The following AIM2 variants were observed in gnomAD, a reference collection of about 807,000 sequenced individuals.
AIM2 encodes absent in melanoma 2, also known as interferon-inducible protein AIM2.
A neutral mutation model predicts 27.7 loss-of-function variants in AIM2; 30 were observed. The ratio of observed to expected loss-of-function variants is 1.08; its 90% CI spans 0.81 to 1.47. The LOEUF is 1.47. AIM2 is among the 40% of genes most tolerant of loss of function. AIM2 has a pLI of 0.00. For synonymous variants in AIM2, 141 were observed against 145.3 expected, an observed-to-expected ratio of 0.97 and a Z score of 0.21; for missense variants, 358 against 411.3, an observed-to-expected ratio of 0.87 and a Z score of 1.12.
intron 1 of AIM2, among the ~76,000 whole-genome samples, chr1:159,115,414 C>A (rs537060460): frequency 6.6e-6 from 1 of 152,136 alleles, no homozygotes; most frequent in African/African-American, 2.4e-5. Context: ...GGAGGCATCA[C>A]GCTACCTGAC....
At chr1:159,066,568 G>A (rs1465438340) in intron 3 of AIM2, among the ~76,000 whole-genome samples, 1 of 152,188 alleles carries the variant, frequency 6.6e-6, no homozygotes, top group East Asian at 1.9e-4. Flanking sequence ...CGTTTTGGAG[G>A]TAGGATCCCT....
At chr1:159,061,334 A>G (rs1407874324), downstream of AIM2, among the ~76,000 whole-genome samples, 3 of 152,122 alleles carry the variant, frequency 2.0e-5, no homozygotes, top group Non-Finnish European at 4.4e-5. Context: ...CATTTTAAAC[A>G]TTTAATTGGT....
chr1:159,075,096 G>A (rs913298201), intron 1 of AIM2, among the ~76,000 whole-genome samples: 18 of 152,084 alleles, frequency 1.2e-4, no homozygotes, highest in African/African-American at 1.9e-4. Flanking sequence ...TGGCAGTGGC[G>A]TAGAAAAAAA....
At chr1:159,058,920 T>C (rs920805815), downstream of AIM2, among the ~76,000 whole-genome samples, 2 of 152,088 alleles carry the variant, frequency 1.3e-5, no homozygotes, top group African/African-American at 4.8e-5. Context: ...CCAGGTTCCA[T>C]CCAGGAAGAG....
At chr1:159,074,255 T>A (rs1210649354) in intron 1 of AIM2, among the ~76,000 whole-genome samples, 1 of 152,206 alleles carries the variant, frequency 6.6e-6, no homozygotes, top group African/African-American at 2.4e-5. Flanking sequence ...TTAAGAAATC[T>A]TTTCCAATCT....
chr1:159,134,760 A>C (rs1455373008), intron 1 of AIM2, among the ~76,000 whole-genome samples: 1 of 152,212 alleles, frequency 6.6e-6, no homozygotes, highest in East Asian at 1.9e-4. Flanking sequence ...TGAGCCCGAG[A>C]GGCGGAGGTT....
At chr1:159,099,839 C>T (rs1657273917) in intron 1 of AIM2, among the ~76,000 whole-genome samples, 2 of 90,536 alleles carry the variant, frequency 2.2e-5, no homozygotes, top group South Asian at 7.3e-4. Flanking sequence ...AAGAAAATCC[C>T]CTAGCCTCAA....
chr1:159,139,367 G>A (rs891492753), intron 1 of AIM2, among the ~76,000 whole-genome samples: 15 of 152,314 alleles, frequency 9.8e-5, no homozygotes, highest in African/African-American at 3.4e-4. Flanking sequence ...TGAGCATTCA[G>A]ACCCTTTCCT....
At chr1:159,063,765 A>T in intron 4 of AIM2, 91 bp from the exon 5 acceptor site, 1 of 1,302,560 alleles carries the variant, frequency 7.7e-7, no homozygotes, top group Non-Finnish European at 1.1e-6. Flanking sequence ...GAAGGCTCTA[A>T]AAAGAAATCA....
intron 1 of AIM2, among the ~76,000 whole-genome samples, chr1:159,127,520 T>C (rs552986965): frequency 1.3e-5 from 2 of 152,268 alleles, no homozygotes; most frequent in South Asian, 4.1e-4. Flanking sequence ...GAAAACACAA[T>C]CTAAAATGGA....
intron 1 of AIM2, among the ~76,000 whole-genome samples, chr1:159,094,214 G>A (rs1657119083): frequency 6.6e-6 from 1 of 152,112 alleles, no homozygotes; most frequent in African/African-American, 2.4e-5. Flanking sequence ...CACTCTATTA[G>A]GTTGGTGCAA....
chr1:159,080,737 T>C (rs1656757589), upstream of AIM2, among the ~76,000 whole-genome samples: 1 of 152,206 alleles, frequency 6.6e-6, no homozygotes, highest in African/African-American at 2.4e-5. Context: ...GCATTTAAAC[T>C]AATAAGCAAT....
chr1:159,104,493 T>C (rs1570966257), intron 1 of AIM2, among the ~76,000 whole-genome samples: 5 of 152,360 alleles, frequency 3.3e-5, no homozygotes, highest in Admixed American at 3.3e-4. Context: ...ATGAAATCTA[T>C]ATACTAATGA....
At chr1:159,132,925 CAGTT>C (rs1390873562) in intron 1 of AIM2, among the ~76,000 whole-genome samples, 6 of 152,170 alleles carry the variant, frequency 3.9e-5, no homozygotes, top group Admixed American at 3.9e-4. Flanking sequence ...CTCTTTTTCT[CAGTT>C]ATTCTCTGTT....
chr1:159,070,863 A>G (rs55636219), intron 2 of AIM2, among the ~76,000 whole-genome samples: 5,574 of 152,304 alleles, frequency 0.037, 357 homozygotes, highest in African/African-American at 0.13. Flanking sequence ...TGTTCACAGC[A>G]TCGGAGAGAA....
upstream of AIM2, among the ~76,000 whole-genome samples, chr1:159,078,311 C>T (rs954247610): frequency 2.0e-5 from 3 of 152,214 alleles, 1 homozygote; most frequent in Admixed American, 6.5e-5. Context: ...GCATCCACTT[C>T]ACCTGACACA....
chr1:159,092,739 A>T (rs1251929963), intron 1 of AIM2, among the ~76,000 whole-genome samples: 1 of 152,174 alleles, frequency 6.6e-6, no homozygotes, highest in African/African-American at 2.4e-5. Context: ...ATTTGATCCC[A>T]GGGGCTGGAC....
intron 1 of AIM2, among the ~76,000 whole-genome samples, chr1:159,093,942 A>G (rs970336378): frequency 2.0e-5 from 3 of 150,724 alleles, no homozygotes; most frequent in African/African-American, 4.9e-5. Context: ...GGGTTTCACC[A>G]TATTGGCCAG....
Position 159,100,622 on chromosome 1 carries a change from A to G in AIM2, c.-15-34293T>C, listed in dbSNP as rs150283573. Among the ~76,000 whole-genome samples, 6 of 152,370 alleles carry G rather than the reference A, an allele frequency of 3.9e-5. No individual in the cohort carries two copies. In the East Asian group the frequency reaches 7.7e-4, roughly 20 times the overall value. On this transcript the variant is annotated intron_variant, in intron 1 of 2. Transcript: ENST00000368129. Reference sequence around the variant, plus strand: ...TTAGTCTCTAGAGTCTAGAAAGTCTATAATGTTCCTTTACAACAATTGAAT... The same window carrying G: ...TTAGTCTCTAGAGTCTAGAAAGTCTGTAATGTTCCTTTACAACAATTGAAT...
Sources: gnomAD v4.1 joint callset for allele counts (sites outside exome capture counted in the v4.1 genomes callset) on GRCh38, gnomAD v4.1.1 for gene constraint, MANE v1.5 for transcripts, NCBI Gene and HGNC (gene_info 2026-07-23, HGNC 2026-07-21) for gene names.